Variants in LYPD6B observed in about 807,000 individuals in gnomAD.
LYPD6B encodes the protein LY6/PLAUR domain containing 6B, also known as ly6/PLAUR domain-containing protein 6B.
In LYPD6B, 17 loss-of-function variants were observed where a neutral mutation model predicts 22.8. The ratio of observed to expected loss-of-function variants is 0.75; its 90% CI spans 0.51 to 1.12. The LOEUF (loss-of-function observed/expected upper bound fraction) is 1.12, where lower values mean the gene tolerates loss of function less well. Ranked by LOEUF, LYPD6B falls within the 50% of genes most tolerant of loss-of-function variation. The pLI, the probability that LYPD6B is intolerant of heterozygous loss-of-function variation, is 0.00. For synonymous variants in LYPD6B, 106 were observed against 91.6 expected (o/e 1.16, Z -0.90); for missense variants, 221 against 258.3 (o/e 0.86, Z 0.99).
chr2:149,053,826 A>G (rs1282756439), intron 1 of LYPD6B, among the ~76,000 whole-genome samples: 1 of 152,162 alleles, frequency 6.6e-6, no homozygotes, highest in East Asian at 1.9e-4. Flanking sequence ...TTTCATATAG[A>G]TAGAATCCTA....
intron 2 of LYPD6B, among the ~76,000 whole-genome samples, chr2:149,134,666 G>C (rs929525066): frequency 6.6e-6 from 1 of 152,170 alleles, no homozygotes; most frequent in Non-Finnish European, 1.5e-5. Context: ...TGTGGCAGAG[G>C]GAAAAGTTGG....
chr2:149,214,529 CT>C lies in LYPD6B; in HGVS notation c.460-16del. The C allele has an allele frequency of 6.2e-7, 1 of 1,612,054 alleles. No individual in the cohort carries two copies. The highest frequency in any genetic ancestry group is 8.5e-7 in the Non-Finnish European group (1 of 1,178,268). Reference sequence around the variant, plus strand: ...TCTATTATTCACTGTCATTTCCTCTCTCCTTTTTTGTAACAGGAGTGTAGGT... The same window carrying C: ...TCTATTATTCACTGTCATTTCCTCTCCCTTTTTTGTAACAGGAGTGTAGGT... On this transcript the variant is annotated splice_polypyrimidine_tract_variant and intron_variant, in intron 6 of 6. Coordinates refer to ENST00000409642, the MANE Select transcript of LYPD6B (RefSeq NM_177964.5).
intron 1 of LYPD6B, among the ~76,000 whole-genome samples, chr2:149,127,284 G>A (rs1198619495): frequency 3.3e-5 from 5 of 152,108 alleles, no homozygotes; most frequent in African/African-American, 1.2e-4. Flanking sequence ...AATTATTTGT[G>A]TGAGCTTATA....
intron 1 of LYPD6B, among the ~76,000 whole-genome samples, chr2:149,111,125 G>C (rs138890479): frequency 6.6e-6 from 1 of 152,098 alleles, no homozygotes; most frequent in Non-Finnish European, 1.5e-5. Context: ...GTAAGGGAGA[G>C]AATAGTAGGA....
At chr2:149,066,027 T>G (rs148176384) in intron 1 of LYPD6B, among the ~76,000 whole-genome samples, 1,595 of 152,216 alleles carry the variant, frequency 0.01, 30 homozygotes, top group African/African-American at 0.037. Context: ...AAAATTTTAT[T>G]TACAAAAATA....
At position 149,079,281 on chromosome 2, in the gene LYPD6B, A is replaced by G. The variant is rs73015019; in HGVS notation, c.-67+40480A>G. Among the ~76,000 whole-genome samples the G allele has an allele frequency of 5.6e-3, 852 of 152,062 alleles. 10 individuals are homozygous for G. The highest frequency in any genetic ancestry group is 0.019 in the African/African-American group (803 of 41,480). On this transcript the variant is annotated intron_variant, in intron 1 of 6. Coordinates refer to ENST00000409642, the MANE Select transcript of LYPD6B (RefSeq NM_177964.5). Reference sequence around the variant, plus strand: ...GAGCATTTCTGTTTCATAAAATGTAACTCTAGCTGTACTGTTCTGGCTAAT... The same window carrying G: ...GAGCATTTCTGTTTCATAAAATGTAGCTCTAGCTGTACTGTTCTGGCTAAT...
At chr2:149,106,920 C>A (rs753250046) in intron 1 of LYPD6B, among the ~76,000 whole-genome samples, 2 of 151,988 alleles carry the variant, frequency 1.3e-5, no homozygotes, top group African/African-American at 2.4e-5. Context: ...ACAGCAGTCC[C>A]CCCTTATCTG....
At chr2:149,047,002 C>T (rs889343823) in intron 1 of LYPD6B, among the ~76,000 whole-genome samples, 1 of 152,108 alleles carries the variant, frequency 6.6e-6, no homozygotes, top group Non-Finnish European at 1.5e-5. Context: ...ATTCTTAGTT[C>T]ATTGGTTATG....
chr2:149,102,074 C>T (rs1000213988), intron 1 of LYPD6B, among the ~76,000 whole-genome samples: 1 of 152,188 alleles, frequency 6.6e-6, no homozygotes, highest in Non-Finnish European at 1.5e-5. Context: ...TAGGCATTTA[C>T]TCACAGCTTT....
intron 1 of LYPD6B, among the ~76,000 whole-genome samples, chr2:149,051,850 G>C (rs1377892439): frequency 6.6e-6 from 1 of 152,024 alleles, no homozygotes; most frequent in Non-Finnish European, 1.5e-5. Context: ...ATTATTAGTA[G>C]AGACAGGGTT....
intron 1 of LYPD6B, among the ~76,000 whole-genome samples, chr2:149,113,853 A>G (rs548395752): frequency 4.1e-4 from 63 of 152,282 alleles, no homozygotes; most frequent in African/African-American, 1.5e-3. Context: ...TTTTCAGGAG[A>G]TGAAATTATC....
At chr2:149,059,341 G>C (rs1295270516) in intron 1 of LYPD6B, among the ~76,000 whole-genome samples, 1 of 152,212 alleles carries the variant, frequency 6.6e-6, no homozygotes. Flanking sequence ...GCGTTGCCAG[G>C]AATGAATGTT....
At chr2:149,190,838 TC>T (rs1692440493) in intron 3 of LYPD6B, among the ~76,000 whole-genome samples, 1 of 152,162 alleles carries the variant, frequency 6.6e-6, no homozygotes, top group South Asian at 2.1e-4. Flanking sequence ...AATATTTTCT[TC>T]AAGTTATATG....
intron 3 of LYPD6B, among the ~76,000 whole-genome samples, chr2:149,184,115 C>G (rs1223453573): frequency 6.6e-6 from 1 of 151,948 alleles, no homozygotes; most frequent in Non-Finnish European, 1.5e-5. Context: ...TCACTTGAAC[C>G]CAAGAGGTGG....
At chr2:149,072,547 A>AT (rs1460113062) in intron 1 of LYPD6B, among the ~76,000 whole-genome samples, 23 of 147,798 alleles carry the variant, frequency 1.6e-4, no homozygotes, top group African/African-American at 5.5e-4. Context: ...ATTTTATTTT[A>AT]TTTTTTTGAG....
intron 1 of LYPD6B, among the ~76,000 whole-genome samples, chr2:149,047,072 A>G (rs964624640): frequency 6.6e-6 from 1 of 152,254 alleles, no homozygotes; most frequent in African/African-American, 2.4e-5. Flanking sequence ...CTCCTGCTTT[A>G]GACATTCAGT....
At chr2:149,201,033 G>A (rs1051364947) in intron 3 of LYPD6B, among the ~76,000 whole-genome samples, 11 of 152,202 alleles carry the variant, frequency 7.2e-5, no homozygotes, top group African/African-American at 2.7e-4. Context: ...TTTGAGCTAC[G>A]CTTGAAGTCA....
chr2:149,139,469 A>G (rs1688558164), intron 2 of LYPD6B, among the ~76,000 whole-genome samples: 1 of 152,168 alleles, frequency 6.6e-6, no homozygotes, highest in African/African-American at 2.4e-5. Flanking sequence ...ATGTCACCAG[A>G]GCACTTAATA....
chr2:149,213,671 A>C (rs746681525), intron 6 of LYPD6B, among the ~76,000 whole-genome samples: 1 of 152,226 alleles, frequency 6.6e-6, no homozygotes, highest in Non-Finnish European at 1.5e-5. Flanking sequence ...ACCCTGTAAT[A>C]AGTACAGAAA....
Sources: gnomAD v4.1 joint callset for allele counts (sites outside exome capture counted in the v4.1 genomes callset) on GRCh38, gnomAD v4.1.1 for gene constraint, MANE v1.5 for transcripts, NCBI Gene and HGNC (gene_info 2026-07-23, HGNC 2026-07-21) for gene names.